Variants in GABRG1 observed in about 807,000 individuals in gnomAD.
GABRG1 encodes the protein gamma-aminobutyric acid type A receptor subunit gamma1.
Under a neutral mutation model 49.8 loss-of-function variants are expected in GABRG1, and 49 were observed. The observed-to-expected ratio is 0.98, with a 90% CI of 0.78 to 1.25. GABRG1 has a LOEUF of 1.25. Ranked by LOEUF, GABRG1 falls within the 50% of genes most tolerant of loss-of-function variation. The pLI is 0.00. For missense variants in GABRG1, 552 were observed against 552.3 expected, an observed-to-expected ratio of 1.00 and a Z score of 0.01; for synonymous variants, 232 against 185.1, an observed-to-expected ratio of 1.25 and a Z score of -2.06.
chr4:46,047,276 C>A (rs1310374917), intron 8 of GABRG1, among the ~76,000 whole-genome samples: 1 of 152,098 alleles, frequency 6.6e-6, no homozygotes, highest in Non-Finnish European at 1.5e-5. Context: ...TTTGTTCTCA[C>A]ATGTAAGGCT....
At chr4:46,072,704 A>G (rs1467831727) in intron 3 of GABRG1, among the ~76,000 whole-genome samples, 2 of 143,918 alleles carry the variant, frequency 1.4e-5, no homozygotes, top group Non-Finnish European at 3.1e-5. Flanking sequence ...GAAATCTGAA[A>G]AGAAGTGATC....
rs1486833390 is a variant in GABRG1 at position 46,038,740 on chromosome 4, C to T, written c.*2248G>A. 1 of 151,522 alleles carries T rather than the reference C, an allele frequency of 6.6e-6. No homozygotes were observed. Among genetic ancestry groups the T allele is most frequent in the African/African-American group, 2.4e-5 (1 of 41,386 alleles). 9.4% of individuals were successfully genotyped at this position (151,522 alleles called of 1,614,324 possible). On this transcript the variant is annotated 3_prime_UTR_variant, in exon 9 of 9. Transcript: ENST00000295452. ...TTGTACGCCATTCTTTCTGATCACA[C>T]ATTTAAATAAAACTGATCAAAATAC... is the stretch of plus-strand genomic sequence containing the variant.
chr4:46,100,834 T>C (rs576866168), intron 1 of GABRG1, among the ~76,000 whole-genome samples: 175 of 150,872 alleles, frequency 1.2e-3, no homozygotes, highest in Non-Finnish European at 1.9e-3. Context: ...AATATGAAAA[T>C]TGACCTCAAA....
At chr4:46,111,097 T>C (rs1720697947) in intron 1 of GABRG1, among the ~76,000 whole-genome samples, 1 of 150,670 alleles carries the variant, frequency 6.6e-6, no homozygotes, top group African/African-American at 2.4e-5. Flanking sequence ...ACCAGGAAAA[T>C]CCCAAAGAAC....
intron 7 of GABRG1, among the ~76,000 whole-genome samples, chr4:46,057,859 T>C (rs1193117726): frequency 6.6e-6 from 1 of 152,104 alleles, no homozygotes; most frequent in Non-Finnish European, 1.5e-5. Flanking sequence ...GTGACTCAGC[T>C]ATAACATAAA....
At chr4:46,069,344 G>T (rs1250460095) in intron 3 of GABRG1, among the ~76,000 whole-genome samples, 1 of 152,034 alleles carries the variant, frequency 6.6e-6, no homozygotes, top group Non-Finnish European at 1.5e-5. Context: ...TGGAGCTATA[G>T]ACATGTAGAG....
intron 3 of GABRG1, among the ~76,000 whole-genome samples, chr4:46,076,799 A>G (rs114243532): frequency 0.012 from 1,874 of 151,940 alleles, 37 homozygotes; most frequent in African/African-American, 0.043. Context: ...TCTATCTTGA[A>G]GTTTCAAAAA....
chr4:46,080,937 TA>T (rs968504377), intron 3 of GABRG1, among the ~76,000 whole-genome samples: 4 of 151,866 alleles, frequency 2.6e-5, no homozygotes, highest in African/African-American at 9.7e-5. Context: ...TGCATATTGT[TA>T]AAAATGCACC....
intron 2 of GABRG1, 44 bp downstream of exon 2, chr4:46,097,157 T>C (rs1315868637): frequency 7.4e-6 from 11 of 1,489,356 alleles, no homozygotes; most frequent in Middle Eastern, 3.6e-4. Context: ...AGTAATGATA[T>C]GTTTAATGGT....
chr4:46,076,657 G>T (rs1719347294), intron 3 of GABRG1, among the ~76,000 whole-genome samples: 4 of 151,384 alleles, frequency 2.6e-5, no homozygotes, highest in Admixed American at 2.0e-4. Flanking sequence ...CATTCATTCT[G>T]TCAGAACATT....
intron 5 of GABRG1, among the ~76,000 whole-genome samples, chr4:46,062,882 A>G (rs1322867512): frequency 6.6e-6 from 1 of 152,006 alleles, no homozygotes; most frequent in African/African-American, 2.4e-5. Flanking sequence ...TAACAGACAA[A>G]CAGAGAGCCA....
At chr4:46,096,482 A>G (rs1216727207) in intron 2 of GABRG1, among the ~76,000 whole-genome samples, 1 of 151,706 alleles carries the variant, frequency 6.6e-6, no homozygotes, top group Non-Finnish European at 1.5e-5. Flanking sequence ...AATACTACTA[A>G]TATATGATGC....
chr4:46,041,346 C>A, intron 8 of GABRG1, 92 bp from the exon 9 acceptor site: 2 of 1,084,516 alleles, frequency 1.8e-6, no homozygotes, highest in Non-Finnish European at 1.3e-6. Context: ...AGGAGACTGA[C>A]AGGTAATGAA....
chr4:46,052,230 A>T (rs114755749), intron 7 of GABRG1, among the ~76,000 whole-genome samples: 67,575 of 148,908 alleles, frequency 0.45, 15,338 homozygotes, highest in African/African-American at 0.51. Context: ...CCTTGAAATA[A>T]AAAAAAAAAA....
intron 1 of GABRG1, among the ~76,000 whole-genome samples, chr4:46,098,126 C>T (rs771614235): frequency 1.3e-5 from 2 of 151,718 alleles, no homozygotes; most frequent in Non-Finnish European, 2.9e-5. Flanking sequence ...AACTGAGACT[C>T]AAACATTGCC....
intron 3 of GABRG1, among the ~76,000 whole-genome samples, chr4:46,069,684 G>A (rs1165032383): frequency 6.6e-6 from 1 of 152,060 alleles, no homozygotes; most frequent in Non-Finnish European, 1.5e-5. Flanking sequence ...AAGGCACATA[G>A]CATCGTGTGC....
rs1456555493 is a variant in GABRG1 at position 46,037,372 on chromosome 4, A to G, written c.*3616T>C. 6.6e-6 allele frequency: 1 copy of G among 151,858 alleles called. No homozygotes were observed. Among genetic ancestry groups the G allele is most frequent in the Non-Finnish European group, 1.5e-5 (1 of 67,862 alleles). 9.4% of individuals were successfully genotyped at this position (151,858 alleles called of 1,614,324 possible). On this transcript the variant is annotated 3_prime_UTR_variant, in exon 9 of 9. Transcript: ENST00000295452. ...GTTTGGTAATGGTTTTTGTAACTGT[A>G]TAGAAGCCTGGCAAGACCTTCCTAG... is the stretch of plus-strand genomic sequence containing the variant.
intron 8 of GABRG1, among the ~76,000 whole-genome samples, chr4:46,045,105 A>G (rs900980672): frequency 1.3e-5 from 2 of 152,088 alleles, no homozygotes; most frequent in African/African-American, 4.8e-5. Flanking sequence ...TAAGTGAACA[A>G]TACAAAGGAG....
At chr4:46,072,255 G>A (rs1180018635) in intron 3 of GABRG1, among the ~76,000 whole-genome samples, 2 of 152,010 alleles carry the variant, frequency 1.3e-5, no homozygotes, top group Non-Finnish European at 2.9e-5. Flanking sequence ...GTAGGTTTGT[G>A]TAAATACATT....
Sources: allele counts gnomAD v4.1 joint callset (sites outside exome capture counted in the v4.1 genomes callset), GRCh38; gene constraint gnomAD v4.1.1; transcripts MANE v1.5; gene names NCBI Gene and HGNC (gene_info 2026-07-23, HGNC 2026-07-21).